CASQ1: variants seen among roughly 807,000 people sequenced by gnomAD.
CASQ1 encodes calsequestrin 1, also known as calsequestrin-1.
A neutral mutation model predicts 49.5 loss-of-function variants in CASQ1; 40 were observed. The ratio of observed to expected loss-of-function variants is 0.81; its 90% CI spans 0.63 to 1.05. The LOEUF (loss-of-function observed/expected upper bound fraction) is 1.05, where lower values mean the gene tolerates loss of function less well. CASQ1 is among the 50% of genes least tolerant of loss of function. The pLI, the probability that CASQ1 is intolerant of heterozygous loss-of-function variation, is 0.00. For missense variants in CASQ1, 469 were observed against 486.9 expected, an observed-to-expected ratio of 0.96 and a Z score of 0.35; for synonymous variants, 174 against 187.2, an observed-to-expected ratio of 0.93 and a Z score of 0.58.
chr1:160,194,937 C>A (rs1654182607), intron 3 of CASQ1, 75 bp from the exon 4 acceptor site: 3 of 902,162 alleles, frequency 3.3e-6, no homozygotes, highest in Non-Finnish European at 3.5e-6. Context: ...GTTCCCCAGC[C>A]TTCTTTTCCC....
chr1:160,192,105 C>T (rs1469850761), intron 1 of CASQ1, among the ~76,000 whole-genome samples: 1 of 152,280 alleles, frequency 6.6e-6, no homozygotes, highest in African/African-American at 2.4e-5. Context: ...GGGTTGAACG[C>T]TAAGCTGGAA....
In CASQ1 at chr1:160,201,580, T is replaced by C. The variant is rs878859181; in HGVS notation, c.*204T>C. On this transcript the variant is annotated 3_prime_UTR_variant, in exon 11 of 11. Transcript: ENST00000368078. Reference sequence around the variant, plus strand: ...TTTTCCCTAGACACCAGGCCAGCTCTCTCTTATCTGACTTCTGTTTCTTAT... The same window carrying C: ...TTTTCCCTAGACACCAGGCCAGCTCCCTCTTATCTGACTTCTGTTTCTTAT... 1.8e-4 allele frequency: 107 copies of C among 597,718 alleles called. 3 individuals carry two copies. In the South Asian group the frequency reaches 2.2e-3, roughly 12 times the overall value. The allele number at this position is 597,718 out of a possible 1,614,324, so 37.0% of individuals were successfully genotyped here. A position where few individuals can be genotyped will look rare whatever the true frequency, so the allele number is the denominator to read the frequency against.
chr1:160,195,871 C>T (rs544837638), intron 5 of CASQ1, 26 bp from the exon 6 acceptor site: 2 of 1,611,788 alleles, frequency 1.2e-6, no homozygotes, highest in South Asian at 2.2e-5. Context: ...TCCTGCTCCA[C>T]TCCCCTCCTA....
chr1:160,194,065 A>G (rs1356700956), intron 3 of CASQ1, among the ~76,000 whole-genome samples: 4 of 150,844 alleles, frequency 2.7e-5, no homozygotes, highest in African/African-American at 9.8e-5. Flanking sequence ...TGCACACAAT[A>G]GTTCACAAAT....
In CASQ1 at chr1:160,195,064, T is replaced by C. The variant is rs1204167431; in HGVS notation, c.518T>C (p.Phe173Ser). Residue 173 changes from phenylalanine (F) to serine (S), a missense_variant, in exon 4 of 11, where the codon TTT becomes TCT. Phe to Ser is a radical substitution (Grantham distance 155, BLOSUM62 -2). Coordinates refer to ENST00000368078, the MANE Select transcript of CASQ1 (RefSeq NM_001231.5). ...GAAGGTGAACGAGAGCTGCAGGCGT[T>C]TGAGAATATTGAGGATGAGATCAAA... ...LIEGERELQA[F>S]ENIEDEIKLI... The C allele has an allele frequency of 5.0e-6, 8 of 1,613,302 alleles. No homozygotes were observed. Among genetic ancestry groups the C allele is most frequent in the African/African-American group, 2.7e-5 (2 of 74,886 alleles).
rs1553192888 is a variant in CASQ1, at chr1:160,199,051, C to T, written c.982C>T (p.Leu328=). The part of the protein sequence containing the change: ...IIWIDPDDFP[L]LVPYWEKTFD... ...CTGGATTGACCCTGATGACTTCCCC[C>T]TGGTAAGAGGCACAGCTCAGGCACT... Residue 328 remains leucine, a splice_region_variant and synonymous_variant, in exon 9 of 11, where the codon CTG becomes TTG. Transcript: ENST00000368078. 6.3e-7 allele frequency: 1 copy of T among 1,580,918 alleles called. No individual in the cohort carries two copies. The highest frequency in any genetic ancestry group is 1.1e-5 in the South Asian group (1 of 90,450).
rs369444271 is a variant in CASQ1, at chr1:160,197,728, G to A, written c.828+114G>A. 33 of 767,758 alleles carry A rather than the reference G, an allele frequency of 4.3e-5. No individual in the cohort carries two copies. In the East Asian group the frequency reaches 6.0e-4, roughly 14 times the overall value. The allele number at this position is 767,758 out of a possible 1,614,324, so 47.6% of individuals were successfully genotyped here. A position where few individuals can be genotyped will look rare whatever the true frequency, so the allele number is the denominator to read the frequency against. On this transcript the variant is annotated intron_variant, in intron 7 of 10. Transcript: ENST00000368078. ...CAGGCCCATTTTTAGAAAAAACAGT[G>A]CACTGACCAGCTGGGTGTGGTGGCT...
In CASQ1 at chr1:160,201,525, T is replaced by C. The variant is rs1654375650; in HGVS notation, c.*149T>C. 2.6e-6 allele frequency: 2 copies of C among 761,852 alleles called. No individual in the cohort carries two copies. The highest frequency in any genetic ancestry group is 1.8e-5 in the South Asian group (1 of 56,310). The allele number at this position is 761,852 out of a possible 1,614,324, so 47.2% of individuals were successfully genotyped here. ...TATATGCTGGGTGCTGAGACACTGA[T>C]CCCCCTCATTTGATGAGCAAATGAG... On this transcript the variant is annotated 3_prime_UTR_variant, in exon 11 of 11. Transcript: ENST00000368078.
rs1368253512 is a variant in CASQ1, at chr1:160,197,616, T to C, written c.828+2T>C. 1 of 1,605,440 alleles carries C rather than the reference T, an allele frequency of 6.2e-7. No homozygotes were observed. Among genetic ancestry groups the C allele is most frequent in the Non-Finnish European group, 8.5e-7 (1 of 1,172,094 alleles). On this transcript the variant is annotated splice_donor_variant, in intron 7 of 10. Coordinates refer to ENST00000368078, the MANE Select transcript of CASQ1 (RefSeq NM_001231.5). LOFTEE classifies it high-confidence loss of function. The stretch of plus-strand genomic sequence containing the variant: ...CCGGAGAGTATGTATGAGACCTGGG[T>C]GAGTGCCCCTGGCCAGGGTCAAGCC...
At chr1:160,200,880 A>AAAAG (rs1296189326) in intron 10 of CASQ1, among the ~76,000 whole-genome samples, 3 of 152,192 alleles carry the variant, frequency 2.0e-5, no homozygotes, top group South Asian at 4.1e-4. Context: ...TCTCTTTTAG[A>AAAAG]AAAGAAAGAA....
At chr1:160,192,442 G>A (rs985858254) in intron 1 of CASQ1, among the ~76,000 whole-genome samples, 5 of 152,176 alleles carry the variant, frequency 3.3e-5, no homozygotes, top group African/African-American at 4.8e-5. Flanking sequence ...ACCTCCAGGT[G>A]TGACTTGAGC....
chr1:160,194,306 C>T (rs528732637), intron 3 of CASQ1, among the ~76,000 whole-genome samples: 97 of 146,562 alleles, frequency 6.6e-4, no homozygotes, highest in African/African-American at 2.2e-3. Flanking sequence ...ATGCACACAC[C>T]ACACACGCCA....
At chr1:160,192,279 T>C (rs910004844) in intron 1 of CASQ1, among the ~76,000 whole-genome samples, 10 of 152,100 alleles carry the variant, frequency 6.6e-5, no homozygotes, top group African/African-American at 2.4e-4. Flanking sequence ...TTATCTCAGC[T>C]CTCTGGCCTT....
rs1167273658 is a variant in CASQ1, at chr1:160,192,852, C to T, written c.330C>T (p.Asp110=). ...AGGGTGTTGGCTTCGGGCTGGTAGACTCTGAGAAGGATGCAGCTGTGGCCA... is the reference window on the plus strand; with the variant it reads ...AGGGTGTTGGCTTCGGGCTGGTAGATTCTGAGAAGGATGCAGCTGTGGCCA... ...EDKGVGFGLV[D]SEKDAAVAKK... Residue 110 remains aspartate (D), a synonymous_variant, in exon 2 of 11, where the codon GAC becomes GAT. Transcript: ENST00000368078. 2 of 1,613,934 alleles carry T rather than the reference C, an allele frequency of 1.2e-6. No individual in the cohort carries two copies. Among genetic ancestry groups the T allele is most frequent in the Non-Finnish European group, 1.7e-6 (2 of 1,179,926 alleles).
chr1:160,192,047 G>A (rs1391594216), intron 1 of CASQ1, among the ~76,000 whole-genome samples: 1 of 152,206 alleles, frequency 6.6e-6, no homozygotes, highest in Non-Finnish European at 1.5e-5. Flanking sequence ...CTGAGTCTGT[G>A]CTGAGTGGGG....
At position 160,190,711 on chromosome 1, in the gene CASQ1, T is replaced by G; in HGVS notation, c.-41T>G. On this transcript the variant is annotated 5_prime_UTR_variant, in exon 1 of 11. Coordinates refer to ENST00000368078, the MANE Select transcript of CASQ1 (RefSeq NM_001231.5). ...GGGCCCCTCCCTACCCCAGCTAACC[T>G]CTTCTGGACCAGGAGAGCCAACCCA... The G allele has an allele frequency of 6.3e-7, 1 of 1,591,624 alleles. No homozygotes were observed. Among genetic ancestry groups the G allele is most frequent in the Non-Finnish European group, 8.6e-7 (1 of 1,165,896 alleles).
Position 160,196,021 on chromosome 1 carries a change from A to G in CASQ1, c.776A>G (p.His259Arg). 1.2e-6 allele frequency: 2 copies of G among 1,613,842 alleles called. No individual in the cohort carries two copies. Among genetic ancestry groups the G allele is most frequent in the South Asian group, 2.2e-5 (2 of 91,058 alleles). The change falls in exon 6 of 11, where the codon CAC becomes CGC. Residue 259 changes from histidine to arginine, a missense_variant. His to Arg is a conservative substitution (Grantham distance 29). Coordinates refer to ENST00000368078, the MANE Select transcript of CASQ1 (RefSeq NM_001231.5). ...EEEIVNFVEE[H>R]RRSTLRKLKP... ...GAGATTGTCAACTTCGTGGAGGAGCACAGGAGGTGGGGACCAAGGGCAACC... is the reference window on the plus strand; with the variant it reads ...GAGATTGTCAACTTCGTGGAGGAGCGCAGGAGGTGGGGACCAAGGGCAACC...
In CASQ1 at chr1:160,195,124, G is replaced by A. The variant is rs763795456; in HGVS notation, c.577+1G>A. On this transcript the variant is annotated splice_donor_variant, in intron 4 of 10. Transcript: ENST00000368078. LOFTEE classifies it high-confidence loss of function. ...TACTTCAAGAGCAAAGACTCAGAGC[G>A]TGGGTAACCCTCAGACTCCACTGTG... 41 of 1,589,402 alleles carry A rather than the reference G, an allele frequency of 2.6e-5. No homozygotes were observed. The highest frequency in any genetic ancestry group is 4.5e-5 in the East Asian group (2 of 44,790).
intron 1 of CASQ1, 66 bp downstream of exon 1, chr1:160,191,096 A>G: frequency 3.9e-6 from 6 of 1,532,430 alleles, no homozygotes; most frequent in Non-Finnish European, 8.9e-7. Context: ...CCTATCCTAC[A>G]CCCATGTAGC....
Sources: gnomAD v4.1 joint callset for allele counts (sites outside exome capture counted in the v4.1 genomes callset) on GRCh38, gnomAD v4.1.1 for gene constraint, MANE v1.5 for transcripts, NCBI Gene and HGNC (gene_info 2026-07-23, HGNC 2026-07-21) for gene names.